Variants in RUNX3 observed in about 807,000 individuals in gnomAD.
RUNX3 encodes the protein runt-related transcription factor 3.
Under a neutral mutation model 27.7 loss-of-function variants are expected in RUNX3, and 10 were observed. The ratio of observed to expected loss-of-function variants is 0.36; its 90% confidence interval spans 0.22 to 0.61. The LOEUF is 0.61. Among genes scored for constraint, RUNX3 ranks in the 20% least tolerant of loss-of-function variants. RUNX3 has a pLI of 0.72. For synonymous variants in RUNX3, 270 were observed against 269.2 expected (o/e 1.00, Z -0.03); for missense variants, 469 against 629.5 (o/e 0.75, Z 2.73).
At chr1:24,936,601 A>T (rs1641354723) in intron 2 of RUNX3, among the ~76,000 whole-genome samples, 2 of 152,210 alleles carry the variant, frequency 1.3e-5, no homozygotes. Context: ...TCAAGGTCAC[A>T]GCCAGTGCCA....
chr1:24,916,804 C>T lies in RUNX3; in HGVS notation c.544+2436G>A, dbSNP rs1276802428. On this transcript the variant is annotated intron_variant, in intron 3 of 4. Transcript: ENST00000308873. This position sits in a 1 kb window ranked among gnomAD's most constrained non-coding sequence, Gnocchi z 4.8. The stretch of plus-strand genomic sequence containing the variant: ...CACTGATCCAGCCGCTGCCGGGGCC[C>T]AGAGAGGGAGGTCACCTGTCTCAGG... 6.6e-6 allele frequency among the ~76,000 whole-genome samples: 1 copy of T among 152,162 alleles called. No individual in the cohort carries two copies. The highest frequency in any genetic ancestry group is 2.4e-5 in the African/African-American group (1 of 41,432).
intron 2 of RUNX3, among the ~76,000 whole-genome samples, chr1:24,952,340 G>C (rs986271491): frequency 6.6e-6 from 1 of 152,114 alleles, no homozygotes; most frequent in African/African-American, 2.4e-5. Context: ...CACCCCAAGA[G>C]ATAACTCAAT....
At chr1:24,931,569 G>C (rs958260913), upstream of RUNX3, among the ~76,000 whole-genome samples, 1 of 152,244 alleles carries the variant, frequency 6.6e-6, no homozygotes, top group Admixed American at 6.5e-5. Context: ...GACGGGGCTA[G>C]ATTTTCGTTG....
intron 3 of RUNX3, among the ~76,000 whole-genome samples, chr1:24,912,607 C>A (rs918058650): frequency 1.3e-5 from 2 of 152,024 alleles, no homozygotes; most frequent in Non-Finnish European, 2.9e-5. Context: ...TTGCTGGGTG[C>A]TTCCTCCACG....
chr1:24,932,458 C>T (rs1264167906), upstream of RUNX3, among the ~76,000 whole-genome samples: 3 of 152,072 alleles, frequency 2.0e-5, no homozygotes, highest in Non-Finnish European at 4.4e-5. Context: ...CGGGCCCGGC[C>T]GGGCTACAGA....
At chr1:24,907,844 G>T (rs531704038) in intron 3 of RUNX3, among the ~76,000 whole-genome samples, 8 of 150,676 alleles carry the variant, frequency 5.3e-5, no homozygotes, top group African/African-American at 2.0e-4. Context: ...AACACACGGT[G>T]ATCTAAACCT....
chr1:24,938,033 G>T (rs1248646999), intron 2 of RUNX3, among the ~76,000 whole-genome samples: 1 of 152,198 alleles, frequency 6.6e-6, no homozygotes, highest in Admixed American at 6.5e-5. Flanking sequence ...GAAGCAGTTG[G>T]ATCTGGCACC....
rs1383867775 is a variant in RUNX3, at chr1:24,908,164, G to A, written c.545-747C>T. The stretch of plus-strand genomic sequence containing the variant: ...GCGGTGATCCGAACCTCTACGACAC[G>A]CGGTGATCCGAAGCTCTACGACACG... On this transcript the variant is annotated intron_variant, in intron 3 of 4. Transcript: ENST00000308873. Among the ~76,000 whole-genome samples the A allele has an allele frequency of 2.0e-4, 25 of 124,186 alleles. 3 individuals carry two copies. The highest frequency in any genetic ancestry group is 7.9e-4 in the African/African-American group (21 of 26,748). The allele number at this position is 124,186 out of a possible 152,430, so 81.5% of individuals were successfully genotyped here. A position where few individuals can be genotyped will look rare whatever the true frequency, so the allele number is the denominator to read the frequency against.
chr1:24,929,419 G>T, intron 1 of RUNX3, 168 bp downstream of exon 1: 1 of 743,976 alleles, frequency 1.3e-6, no homozygotes, highest in Non-Finnish European at 2.4e-6. Context: ...AAAACGGAAC[G>T]CCGAGGTCCC....
At chr1:24,918,463 G>C (rs1478080875) in intron 3 of RUNX3, among the ~76,000 whole-genome samples, 1 of 152,162 alleles carries the variant, frequency 6.6e-6, no homozygotes, top group African/African-American at 2.4e-5. Flanking sequence ...AACTACAAAG[G>C]GTCACATTTC....
Position 24,902,428 on chromosome 1 carries a change from C to T in RUNX3, c.942G>A (p.Gly314=), listed in dbSNP as rs1321652806. The T allele has an allele frequency of 3.7e-6, 6 of 1,611,276 alleles. No homozygotes were observed. The highest frequency in any genetic ancestry group is 5.1e-6 in the Non-Finnish European group (6 of 1,178,404). The change falls in exon 5 of 5, where the codon GGG becomes GGA. Residue 314 remains glycine (G), a synonymous_variant. Transcript: ENST00000308873. The surrounding 1 kb of genome is among the most constrained non-coding windows in gnomAD (Gnocchi z 9.2). The part of the protein sequence containing the change: ...HHTYLPPPYP[G]APQNQSGPFQ... ...AGGGCCCGCTCTGGTTCTGCGGGGC[C>T]CCCGGGTAGGGTGGCGGGAGGTAGG...
intron 2 of RUNX3, among the ~76,000 whole-genome samples, chr1:24,957,727 C>T (rs1022608410): frequency 6.6e-6 from 1 of 152,190 alleles, no homozygotes; most frequent in Non-Finnish European, 1.5e-5. Context: ...GTGCTGTGCA[C>T]GTGATACACA....
intron 2 of RUNX3, among the ~76,000 whole-genome samples, chr1:24,939,582 T>C (rs1641428357): frequency 6.6e-6 from 1 of 152,234 alleles, no homozygotes; most frequent in Non-Finnish European, 1.5e-5. Context: ...GAATCAGGGC[T>C]CAGAGCTTTG....
At position 24,904,445 on chromosome 1, in the gene RUNX3, G is replaced by A. The variant is rs1222089210; in HGVS notation, c.704-1779C>T. ...GTGGCGGGGGCCTTCTGGGACATCT[G>A]GGATGTTCCCTAGTAGGTCACTTGG... On this transcript the variant is annotated intron_variant, in intron 4 of 4. Transcript: ENST00000308873. The surrounding 1 kb of genome is among the most constrained non-coding windows in gnomAD (Gnocchi z 5.7). Among the ~76,000 whole-genome samples, 1 of 152,198 alleles carries A rather than the reference G, an allele frequency of 6.6e-6. No individual in the cohort carries two copies. Among genetic ancestry groups the A allele is most frequent in the Non-Finnish European group, 1.5e-5 (1 of 68,024 alleles).
At chr1:24,953,198 C>G (rs1469031175) in intron 2 of RUNX3, among the ~76,000 whole-genome samples, 1 of 151,836 alleles carries the variant, frequency 6.6e-6, no homozygotes, top group East Asian at 1.9e-4. Context: ...AACCCCGTCT[C>G]TACTAAAAAT....
chr1:24,927,756 A>AG lies in RUNX3; in HGVS notation c.283-27dup. On this transcript the variant is annotated intron_variant, in intron 1 of 4. Transcript: ENST00000308873. This position sits in a 1 kb window ranked among gnomAD's most constrained non-coding sequence, Gnocchi z 5.0. The stretch of plus-strand genomic sequence containing the variant: ...CTGAAGACACGGGGCGGGGGGATGC[A>AG]GGGGGACAGCTTAGAAAGGAAGAGG... 9 of 1,525,992 alleles carry AG rather than the reference A, an allele frequency of 5.9e-6. No homozygotes were observed. The highest frequency in any genetic ancestry group is 8.0e-6 in the Non-Finnish European group (9 of 1,122,388). 94.5% of individuals were successfully genotyped at this position (1,525,992 alleles called of 1,614,324 possible).
rs1640687237 is a variant in RUNX3, at chr1:24,907,371, G to T, written c.591C>A (p.Arg197=). Residue 197 remains arginine (R), a synonymous_variant, in exon 4 of 5, where the codon CGC becomes CGA. Coordinates refer to ENST00000308873, the MANE Select transcript of RUNX3 (RefSeq NM_004350.3). ...TGCGCAGCCGTTCCAGGTCCCCAAA[G>T]CGGTCAGGGAACGGCTTGGTCTGGT... ...LEDQTKPFPD[R]FGDLERLRMR... is the part of the protein sequence containing the mutation. 1 of 1,613,964 alleles carries T rather than the reference G, an allele frequency of 6.2e-7. No individual in the cohort carries two copies.
rs1207004316 is a variant in RUNX3, at chr1:24,900,565, T to C, written c.*1557A>G. 6.6e-6 allele frequency: 1 copy of C among 152,404 alleles called. No individual in the cohort carries two copies. Among genetic ancestry groups the C allele is most frequent in the Non-Finnish European group, 1.5e-5 (1 of 68,070 alleles). The allele number at this position is 152,404 out of a possible 1,614,324, so 9.4% of individuals were successfully genotyped here. On this transcript the variant is annotated 3_prime_UTR_variant, in exon 5 of 5. Transcript: ENST00000308873. The stretch of plus-strand genomic sequence containing the variant: ...CGCCCACTTTCCCATTTTGCAAAAT[T>C]CAGGGGCAAGACTTCACCTCGGAAC...
Position 24,919,365 on chromosome 1 carries a change from A to G in RUNX3, c.440-21T>C, listed in dbSNP as rs759644309. 3.8e-6 allele frequency: 6 copies of G among 1,567,484 alleles called. No individual in the cohort carries two copies. In the Admixed American group the frequency reaches 6.7e-5, roughly 18 times the overall value. ...CTTCCCTGGGGAGAGTGGGGAATAG[A>G]GGCAGGTGGTTGGCACCTGGAGCTT... On this transcript the variant is annotated intron_variant, in intron 2 of 4. Transcript: ENST00000308873.
Sources: allele counts gnomAD v4.1 joint callset (sites outside exome capture counted in the v4.1 genomes callset), GRCh38; gene constraint gnomAD v4.1.1; non-coding constraint Gnocchi (gnomAD v3.1); transcripts MANE v1.5; gene names NCBI Gene and HGNC (gene_info 2026-07-23, HGNC 2026-07-21).